The following GAPVD1 variants were observed in gnomAD, a reference collection of about 807,000 sequenced individuals.
GAPVD1 encodes the protein GTPase activating protein and VPS9 domains 1.
A neutral mutation model predicts 155.5 loss-of-function variants in GAPVD1; 35 were observed. The ratio of observed to expected loss-of-function variants is 0.23; its 90% confidence interval spans 0.17 to 0.30. The LOEUF (loss-of-function observed/expected upper bound fraction) is 0.30, where lower values mean the gene tolerates loss of function less well. Ranked by LOEUF, GAPVD1 falls within the 10% of genes least tolerant of loss-of-function variation. The probability of loss-of-function intolerance (pLI) is 1.00; values close to 1 mark genes in which losing one functional copy is unlikely to be tolerated. For missense variants in GAPVD1, 1,429 were observed against 1,775.7 expected (o/e 0.80, Z 3.51); for synonymous variants, 636 against 619.7 (o/e 1.03, Z -0.39).
chr9:125,299,546 C>T (rs1840430942), intron 4 of GAPVD1, among the ~76,000 whole-genome samples: 1 of 151,668 alleles, frequency 6.6e-6, no homozygotes, highest in African/African-American at 2.4e-5. Context: ...ATCCCAGCTA[C>T]TCGGGAGGCT....
intron 1 of GAPVD1, among the ~76,000 whole-genome samples, chr9:125,266,165 T>G (rs916272812): frequency 6.6e-6 from 1 of 150,412 alleles, no homozygotes; most frequent in Non-Finnish European, 1.5e-5. Flanking sequence ...TTGCTCTTGT[T>G]GCCCAGGCTG....
intron 12 of GAPVD1, among the ~76,000 whole-genome samples, chr9:125,329,828 C>A (rs1043392001): frequency 3.9e-5 from 6 of 152,096 alleles, no homozygotes; most frequent in Admixed American, 1.3e-4. Context: ...ACTACCGGTG[C>A]ACGCCACCAT....
rs940599872 is a variant in GAPVD1, at chr9:125,265,963, TAGG to T, written c.-198-2965_-198-2963del. ...AAAAGAAACTGCTACCGGTTACTGT[TAGG>T]AGGAGGAAAAAAAAACTGTTGGTTG... On this transcript the variant is annotated intron_variant, in intron 1 of 27. Transcript: ENST00000297933. Among the ~76,000 whole-genome samples the T allele has an allele frequency of 3.3e-4, 49 of 147,418 alleles. 1 individual carries two copies. The highest frequency in any genetic ancestry group is 3.3e-4 in the Non-Finnish European group (22 of 66,852).
Position 125,337,244 on chromosome 9 carries a change from A to C in GAPVD1, c.2530A>C (p.Lys844Gln). The part of the protein sequence containing the change: ...HEGASAVVRP[K>Q]VHYARPSHPP... ...AGGGGCTTCTGCTGTGGTAAGGCCA[A>C]AGGTTCACTATGCTAGGCCATCGCA... Residue 844 changes from lysine (K) to glutamine (Q), a missense_variant, in exon 17 of 28, where the codon AAG becomes CAG. By Grantham distance (53) the Lys-to-Gln change is moderately conservative. Around this residue, in one of 4 missense-constraint regions of GAPVD1, gnomAD observed 699 missense variants for 826.0 expected, o/e 0.85. Coordinates refer to ENST00000297933, the MANE Select transcript of GAPVD1 (RefSeq NM_001282680.3). 9 of 1,614,162 alleles carry C rather than the reference A, an allele frequency of 5.6e-6. No individual in the cohort carries two copies. The highest frequency in any genetic ancestry group is 7.6e-6 in the Non-Finnish European group (9 of 1,180,008).
Position 125,293,824 on chromosome 9 carries a change from TA to T in GAPVD1, c.-149-1627del, listed in dbSNP as rs1158357367. Among the ~76,000 whole-genome samples, 647 of 118,336 alleles carry T rather than the reference TA, an allele frequency of 5.5e-3. 5 individuals are homozygous for T. The highest frequency in any genetic ancestry group is 0.012 in the Middle Eastern group (3 of 244). The allele number at this position is 118,336 out of a possible 152,430, so 77.6% of individuals were successfully genotyped here. A position where few individuals can be genotyped will look rare whatever the true frequency, so the allele number is the denominator to read the frequency against. ...AATTTTTATATTTATATATGAAATATAAAAAAATATATATATAAAAATATAT... is the reference window on the plus strand; with the variant it reads ...AATTTTTATATTTATATATGAAATATAAAAAATATATATATAAAAATATAT... On this transcript the variant is annotated intron_variant, in intron 2 of 27. Coordinates refer to ENST00000297933, the MANE Select transcript of GAPVD1 (RefSeq NM_001282680.3).
At chr9:125,303,984 T>G (rs1284775823) in intron 5 of GAPVD1, 1 of 152,134 alleles carries the variant, frequency 6.6e-6, no homozygotes, top group African/African-American at 2.4e-5. Flanking sequence ...TAATCTTCTC[T>G]GTAGAGTTCC....
Position 125,331,934 on chromosome 9 carries a change from G to A in GAPVD1, c.2182G>A (p.Asp728Asn). ...EVLPSDSEAP[D>N]LKQEERLQEL... ...TCTTATCTTCTATTTAGAGGCCCCA[G>A]ACCTAAAGCAGGAGGAGCGTCTGCA... The change falls in exon 14 of 28, where the codon GAC becomes AAC. Residue 728 changes from aspartate to asparagine, a missense_variant. This residue lies in a region of GAPVD1 where 699 missense variants were observed against 826.0 expected (regional missense o/e 0.85). Transcript: ENST00000297933. The A allele has an allele frequency of 6.2e-7, 1 of 1,614,020 alleles. No individual in the cohort carries two copies. Among genetic ancestry groups the A allele is most frequent in the Admixed American group, 1.7e-5 (1 of 60,014 alleles).
At chr9:125,282,445 G>A (rs1259378082) in intron 2 of GAPVD1, among the ~76,000 whole-genome samples, 4 of 152,090 alleles carry the variant, frequency 2.6e-5, no homozygotes, top group Non-Finnish European at 4.4e-5. Context: ...CCTGATAGTC[G>A]GCTTTTACTT....
In GAPVD1 at chr9:125,302,133, C is replaced by T. The variant is rs1383516876; in HGVS notation, c.336C>T (p.Ser112=). ...RLRENPRLIA[S]SLVAGEKLNQ... ...GGGAAAATCCTCGTCTTATTGCCTCCTCTTTGGTTGCTGGAGAGAAACTTA... is the reference window on the plus strand; with the variant it reads ...GGGAAAATCCTCGTCTTATTGCCTCTTCTTTGGTTGCTGGAGAGAAACTTA... The change falls in exon 5 of 28, where the codon TCC becomes TCT. Residue 112 remains serine, a synonymous_variant. Coordinates refer to ENST00000297933, the MANE Select transcript of GAPVD1 (RefSeq NM_001282680.3). 2 of 1,613,972 alleles carry T rather than the reference C, an allele frequency of 1.2e-6. No individual in the cohort carries two copies. The highest frequency in any genetic ancestry group is 2.2e-5 in the South Asian group (2 of 91,068).
intron 19 of GAPVD1, among the ~76,000 whole-genome samples, chr9:125,345,036 C>T (rs967891968): frequency 3.3e-5 from 5 of 152,178 alleles, no homozygotes; most frequent in Non-Finnish European, 7.4e-5. Flanking sequence ...CTCTTGCCCC[C>T]CCACTTCATA....
At chr9:125,333,244 C>A (rs1846348219) in intron 15 of GAPVD1, among the ~76,000 whole-genome samples, 1 of 151,808 alleles carries the variant, frequency 6.6e-6, no homozygotes, top group Non-Finnish European at 1.5e-5. Flanking sequence ...CCACGCCCAG[C>A]TAATTTTTCT....
intron 8 of GAPVD1, 61 bp downstream of exon 8, chr9:125,307,941 T>C (rs1333896375): frequency 8.7e-7 from 1 of 1,149,498 alleles, no homozygotes; most frequent in South Asian, 1.2e-5. Flanking sequence ...TAGCCTTTGT[T>C]ATTGCTGAGT....
intron 2 of GAPVD1, among the ~76,000 whole-genome samples, chr9:125,291,602 A>G (rs1359698939): frequency 6.6e-6 from 1 of 152,096 alleles, no homozygotes; most frequent in African/African-American, 2.4e-5. Flanking sequence ...AAAAGACTGT[A>G]GTATGTGCCT....
intron 9 of GAPVD1, among the ~76,000 whole-genome samples, chr9:125,315,240 A>G (rs1843250066): frequency 6.6e-6 from 1 of 152,210 alleles, no homozygotes; most frequent in Non-Finnish European, 1.5e-5. Flanking sequence ...GAAGACCAAC[A>G]ATCTTCGAAA....
At chr9:125,264,937 C>T (rs922185580) in intron 1 of GAPVD1, among the ~76,000 whole-genome samples, 10 of 151,960 alleles carry the variant, frequency 6.6e-5, no homozygotes, top group South Asian at 2.1e-4. Flanking sequence ...AGGCTGGCCT[C>T]GAACCTCCTG....
chr9:125,283,273 G>C (rs1837101655), intron 2 of GAPVD1, among the ~76,000 whole-genome samples: 2 of 151,834 alleles, frequency 1.3e-5, no homozygotes, highest in Non-Finnish European at 2.9e-5. Context: ...TGGTCAGGCT[G>C]GTCTCGAACT....
Position 125,307,430 on chromosome 9 carries a change from C to T in GAPVD1, c.1134C>T (p.Phe378=), listed in dbSNP as rs1842026991. ...TTTAACAGAGCTGTGTTGCCGCTTT[C>T]CTTGATGTTGTGATTGGGGGCCGTG... ...GKFDKSCVAA[F]LDVVIGGRAV... Residue 378 remains phenylalanine (F), a synonymous_variant, in exon 7 of 28, where the codon TTC becomes TTT. Transcript: ENST00000297933. The T allele has an allele frequency of 6.2e-7, 1 of 1,606,430 alleles. No homozygotes were observed. The highest frequency in any genetic ancestry group is 1.1e-5 in the South Asian group (1 of 89,254).
chr9:125,302,968 T>A (rs911647126), intron 5 of GAPVD1, 142 bp downstream of exon 5: 1 of 959,734 alleles, frequency 1.0e-6, no homozygotes, highest in African/African-American at 1.7e-5. Context: ...TATTTGCATC[T>A]TATTAAATAA....
chr9:125,278,879 T>C (rs1053883530), intron 2 of GAPVD1, among the ~76,000 whole-genome samples: 1 of 151,746 alleles, frequency 6.6e-6, no homozygotes, highest in African/African-American at 2.4e-5. Context: ...ATTTGATTGA[T>C]AAAATGCAAG....
Sources: gnomAD v4.1 joint callset for allele counts (sites outside exome capture counted in the v4.1 genomes callset) on GRCh38, gnomAD v4.1.1 for gene constraint, gnomAD v4.1.1 regional missense constraint, MANE v1.5 for transcripts, NCBI Gene and HGNC (gene_info 2026-07-23, HGNC 2026-07-21) for gene names.